The following UGGT2 variants were observed in gnomAD, a reference collection of about 807,000 sequenced individuals.
UGGT2 encodes UDP-glucose:glycoprotein glucosyltransferase 2.
Under a neutral mutation model 192.1 loss-of-function variants are expected in UGGT2, and 180 were observed. The observed-to-expected ratio is 0.94, with a 90% CI of 0.83 to 1.06. The LOEUF is 1.06. Among genes scored for constraint, UGGT2 ranks in the 50% least tolerant of loss-of-function variants. The pLI is 0.00. For synonymous variants in UGGT2, 580 were observed against 591.0 expected (o/e 0.98, Z 0.27); for missense variants, 1,849 against 1,795.7 (o/e 1.03, Z -0.54).
At chr13:95,808,621 G>A (rs1884430849) in intron 38 of UGGT2, among the ~76,000 whole-genome samples, 1 of 151,986 alleles carries the variant, frequency 6.6e-6, no homozygotes, top group Admixed American at 6.6e-5. Flanking sequence ...CAAATTCTTT[G>A]TGAAGTTACT....
intron 36 of UGGT2, among the ~76,000 whole-genome samples, chr13:95,844,820 A>T (rs1156810721): frequency 6.6e-6 from 1 of 152,150 alleles, no homozygotes; most frequent in Non-Finnish European, 1.5e-5. Flanking sequence ...TCTGTCCAGT[A>T]CAATACTGAA....
chr13:96,017,812 T>C (rs766192321), intron 4 of UGGT2, among the ~76,000 whole-genome samples: 14 of 152,218 alleles, frequency 9.2e-5, no homozygotes, highest in Non-Finnish European at 2.1e-4. Context: ...AATGACCATA[T>C]GGGATTTTTT....
In UGGT2 at chr13:95,801,741, C is replaced by G. The variant is rs189654461; in HGVS notation, c.*49G>C. ...AGGGGCTCCAGACTTCCCCAGCAGG[C>G]GGCAGGTTTCCTGTCATGCTTTCGC... On this transcript the variant is annotated 3_prime_UTR_variant, in exon 39 of 39. Transcript: ENST00000376747. The G allele has an allele frequency of 1.9e-6, 3 of 1,603,076 alleles. No homozygotes were observed. The highest frequency in any genetic ancestry group is 2.6e-6 in the Non-Finnish European group (3 of 1,174,650).
intron 29 of UGGT2, among the ~76,000 whole-genome samples, chr13:95,874,273 A>G (rs1365425287): frequency 6.6e-6 from 1 of 152,338 alleles, no homozygotes; most frequent in Middle Eastern, 3.4e-3. Context: ...GTATGAAACC[A>G]TGGATAGTAC....
chr13:95,963,498 C>T (rs181752675), intron 12 of UGGT2, among the ~76,000 whole-genome samples: 2 of 152,226 alleles, frequency 1.3e-5, no homozygotes, highest in African/African-American at 4.8e-5. Context: ...CAAGGATGCC[C>T]ACTTTCACCA....
At chr13:96,041,181 G>C (rs964808023) in intron 1 of UGGT2, among the ~76,000 whole-genome samples, 16 of 152,200 alleles carry the variant, frequency 1.1e-4, no homozygotes, top group Admixed American at 9.2e-4. Flanking sequence ...TACCCAAACT[G>C]TGAGAGTGGG....
chr13:95,941,096 G>A (rs546860130), intron 15 of UGGT2, among the ~76,000 whole-genome samples: 11 of 152,256 alleles, frequency 7.2e-5, no homozygotes, highest in African/African-American at 2.4e-4. Flanking sequence ...TTGAGTAGAC[G>A]ACTAAGCTGA....
rs989018536 is a variant in UGGT2, at chr13:95,977,479, C to G, written c.1093-4808G>C. On this transcript the variant is annotated intron_variant, in intron 10 of 38. Transcript: ENST00000376747. ...TCATTATCACTAGAGAAATGCAAAT[C>G]AAAACCACAATGAGATACCATCTCA... Among the ~76,000 whole-genome samples, 4 of 152,118 alleles carry G rather than the reference C, an allele frequency of 2.6e-5. No individual in the cohort carries two copies. The East Asian group carries it at 5.8e-4, about 22-fold the overall frequency.
intron 1 of UGGT2, among the ~76,000 whole-genome samples, chr13:96,036,243 G>A (rs2052998894): frequency 6.6e-6 from 1 of 152,212 alleles, no homozygotes; most frequent in Non-Finnish European, 1.5e-5. Flanking sequence ...ACAAGGTCAT[G>A]TCTTTTGCAG....
chr13:95,880,860 ATAGG>A (rs149868726), intron 27 of UGGT2, among the ~76,000 whole-genome samples: 2,489 of 152,258 alleles, frequency 0.016, 63 homozygotes, highest in African/African-American at 0.057. Flanking sequence ...AACTCTTATC[ATAGG>A]TAGGTATGTA....
intron 38 of UGGT2, among the ~76,000 whole-genome samples, chr13:95,830,202 T>C (rs1484838024): frequency 3.3e-5 from 5 of 152,172 alleles, no homozygotes; most frequent in African/African-American, 9.7e-5. Flanking sequence ...GGCAATACCA[T>C]TGAGGACACA....
chr13:96,038,399 T>C (rs553519118), intron 1 of UGGT2, among the ~76,000 whole-genome samples: 28 of 152,290 alleles, frequency 1.8e-4, no homozygotes, highest in African/African-American at 6.5e-4. Context: ...AATTTTGTCA[T>C]GGGAAAGTAT....
At chr13:96,032,727 C>G (rs994128615) in intron 1 of UGGT2, among the ~76,000 whole-genome samples, 4 of 152,220 alleles carry the variant, frequency 2.6e-5, no homozygotes, top group African/African-American at 9.6e-5. Context: ...TTACCTTTCT[C>G]TCTAGGCTTG....
chr13:95,905,810 G>A (rs1031747445), intron 20 of UGGT2, among the ~76,000 whole-genome samples: 1 of 152,116 alleles, frequency 6.6e-6, no homozygotes, highest in African/African-American at 2.4e-5. Context: ...GAACTTTAAA[G>A]TATACATTAT....
intron 1 of UGGT2, among the ~76,000 whole-genome samples, chr13:96,042,858 G>A (rs1055848834): frequency 2.0e-5 from 3 of 151,924 alleles, no homozygotes; most frequent in Admixed American, 2.0e-4. Context: ...CAAGAAGTCT[G>A]GGATTATGTT....
intron 15 of UGGT2, among the ~76,000 whole-genome samples, chr13:95,940,605 C>A (rs1418303016): frequency 6.6e-6 from 1 of 151,838 alleles, no homozygotes; most frequent in Non-Finnish European, 1.5e-5. Flanking sequence ...GAACTTGCCA[C>A]CACACCTGGC....
intron 17 of UGGT2, among the ~76,000 whole-genome samples, chr13:95,929,337 G>T (rs1215184357): frequency 6.6e-6 from 1 of 152,158 alleles, no homozygotes; most frequent in Non-Finnish European, 1.5e-5. Flanking sequence ...CATGCAGATT[G>T]GTTACAACAC....
rs1891774710 is a variant in UGGT2 at position 95,877,167 on chromosome 13, C to G, written c.3473+112G>C. 14 of 876,244 alleles carry G rather than the reference C, an allele frequency of 1.6e-5. No individual in the cohort carries two copies. The South Asian group carries it at 3.0e-4, about 19-fold the overall frequency. The allele number at this position is 876,244 out of a possible 1,614,324, so 54.3% of individuals were successfully genotyped here. A position where few individuals can be genotyped will look rare whatever the true frequency, so the allele number is the denominator to read the frequency against. On this transcript the variant is annotated intron_variant, in intron 29 of 38. Coordinates refer to ENST00000376747, the MANE Select transcript of UGGT2 (RefSeq NM_020121.4). Reference sequence around the variant, plus strand: ...AAAGTGTTGGGATTACAGGCTTGAGCCACTGCGCCAGGCCAATCTTAACAT... The same window carrying G: ...AAAGTGTTGGGATTACAGGCTTGAGGCACTGCGCCAGGCCAATCTTAACAT...
At chr13:95,906,077 T>C (rs1427950183) in intron 20 of UGGT2, among the ~76,000 whole-genome samples, 1 of 152,214 alleles carries the variant, frequency 6.6e-6, no homozygotes, top group East Asian at 1.9e-4. Flanking sequence ...ATCAAAGATC[T>C]TGATATCCAG....
Sources: allele counts gnomAD v4.1 joint callset (sites outside exome capture counted in the v4.1 genomes callset), GRCh38; gene constraint gnomAD v4.1.1; transcripts MANE v1.5; gene names NCBI Gene and HGNC (gene_info 2026-07-23, HGNC 2026-07-21).